Variants in UNC13A observed in about 807,000 individuals in gnomAD.
The protein encoded by UNC13A is unc-13 homolog A, also known as protein unc-13 homolog A.
UNC13A carries 61 observed loss-of-function variants against 219.7 expected under a neutral mutation model. The ratio of observed to expected loss-of-function variants is 0.28; its 90% CI spans 0.23 to 0.34. The LOEUF is 0.34. UNC13A is among the 10% of genes least tolerant of loss of function. The probability of loss-of-function intolerance (pLI) is 1.00; values close to 1 mark genes in which losing one functional copy is unlikely to be tolerated. For synonymous variants in UNC13A, 920 were observed against 884.6 expected, an observed-to-expected ratio of 1.04 and a Z score of -0.71; for missense variants, 1,476 against 2,270.3, an observed-to-expected ratio of 0.65 and a Z score of 7.11.
Position 17,656,388 on chromosome 19 carries a change from T to C in UNC13A, c.778A>G (p.Ser260Gly). The C allele has an allele frequency of 2.0e-6, 3 of 1,532,372 alleles. No individual in the cohort carries two copies. The highest frequency in any genetic ancestry group is 1.4e-5 in the African/African-American group (1 of 73,296). 94.9% of individuals were successfully genotyped at this position (1,532,372 alleles called of 1,614,324 possible). Residue 260 changes from serine (S) to glycine (G), a missense_variant, in exon 10 of 44, where the codon AGC (serine) becomes GGC (glycine). Coordinates refer to ENST00000519716, the MANE Select transcript of UNC13A (RefSeq NM_001080421.3). ...SEPQALSPTG[S>G]SRYASSGELS... ...TCCCCGGAAGAGGCATAGCGGCTGC[T>C]ACCCGTGGGGCTGTGGGGATGGAAC... is the stretch of plus-strand genomic sequence containing the variant.
intron 1 of UNC13A, among the ~76,000 whole-genome samples, chr19:17,683,948 C>T (rs2080065284): frequency 6.6e-6 from 1 of 151,094 alleles, no homozygotes. Context: ...AGAAAAAAGT[C>T]AGCCGGGTGT....
intron 43 of UNC13A, among the ~76,000 whole-genome samples, chr19:17,607,568 G>A (rs11882328): frequency 0.015 from 2,175 of 146,248 alleles, 46 homozygotes; most frequent in African/African-American, 0.053. Context: ...GTCAGCCACC[G>A]CGCCTGGCCC....
At chr19:17,648,084 C>A (rs2079273802) in intron 16 of UNC13A, among the ~76,000 whole-genome samples, 1 of 147,136 alleles carries the variant, frequency 6.8e-6, no homozygotes, top group Non-Finnish European at 1.5e-5. Context: ...CTCTTCCTCT[C>A]AGAGCTACCC....
At chr19:17,639,245 G>C (rs750847144) in intron 24 of UNC13A, 28 bp from the exon 25 acceptor site, 3 of 1,612,908 alleles carry the variant, frequency 1.9e-6, no homozygotes. Context: ...GGCATAGGCG[G>C]CCACAGCTGT....
rs148883310 is a variant in UNC13A at position 17,624,822 on chromosome 19, G to C, written c.4197+7C>G. ...AAATGTCCCCTCGGGCCCCCTGCAG[G>C]TCTCACCGTCTGGTCAGTGAGGGGC... On this transcript the variant is annotated splice_region_variant and intron_variant, in intron 35 of 43. Transcript: ENST00000519716. The C allele has an allele frequency of 1.9e-6, 3 of 1,611,988 alleles. No homozygotes were observed. The Admixed American group carries it at 5.0e-5, about 27-fold the overall frequency.
intron 1 of UNC13A, among the ~76,000 whole-genome samples, chr19:17,683,640 A>AGGCTTT (rs1451163731): frequency 8.6e-5 from 13 of 151,678 alleles, no homozygotes; most frequent in African/African-American, 3.2e-4. Flanking sequence ...TCCGGGTGAC[A>AGGCTTT]GAGTGAGACC....
intron 9 of UNC13A, among the ~76,000 whole-genome samples, chr19:17,656,745 G>A (rs1192087499): frequency 2.6e-5 from 4 of 151,634 alleles, no homozygotes; most frequent in Non-Finnish European, 4.4e-5. Flanking sequence ...CCAGCTACTC[G>A]GGAGGCTGAG....
At chr19:17,660,532 T>TG (rs2079533158) in intron 8 of UNC13A, among the ~76,000 whole-genome samples, 2 of 107,756 alleles carry the variant, frequency 1.9e-5, no homozygotes, top group South Asian at 3.0e-4. Flanking sequence ...TGTTGGTTTT[T>TG]GGGTTTTTTT....
intron 36 of UNC13A, chr19:17,622,541 T>C (rs937150336): frequency 7.2e-5 from 11 of 153,078 alleles, no homozygotes; most frequent in African/African-American, 2.7e-4. Flanking sequence ...TACCAGGAAG[T>C]AAGAGCCCTT....
Position 17,656,038 on chromosome 19 carries a change from G to T in UNC13A, c.1128C>A (p.Ser376Arg). Reference sequence around the variant, plus strand: ...CCTTCCCTGGGGCAGCTGGCGGGAGGCTGATGCGTTTGAAGTCTTTGGGCT... The same window carrying T: ...CCTTCCCTGGGGCAGCTGGCGGGAGTCTGATGCGTTTGAAGTCTTTGGGCT... ...VAEPKDFKRI[S>R]LPPAAPGKED... The change falls in exon 10 of 44, where the codon AGC (serine) becomes AGA (arginine). Residue 376 changes from serine (S) to arginine (R), a missense_variant. By Grantham distance (110) the Ser-to-Arg change is moderately radical. Coordinates refer to ENST00000519716, the MANE Select transcript of UNC13A (RefSeq NM_001080421.3). The T allele has an allele frequency of 6.4e-7, 1 of 1,564,076 alleles. No homozygotes were observed.
intron 4 of UNC13A, among the ~76,000 whole-genome samples, chr19:17,670,253 AT>A (rs1337640855): frequency 9.2e-6 from 1 of 109,012 alleles, no homozygotes; most frequent in Non-Finnish European, 1.9e-5. Flanking sequence ...GCCTAATTTA[AT>A]TTTTTTGAGA....
chr19:17,685,641 T>A (rs2080094014), intron 1 of UNC13A, among the ~76,000 whole-genome samples: 1 of 152,208 alleles, frequency 6.6e-6, no homozygotes, highest in Non-Finnish European at 1.5e-5. Context: ...GTGTCCTATA[T>A]ACACGTGTAT....
intron 31 of UNC13A, among the ~76,000 whole-genome samples, chr19:17,628,783 C>T (rs142770933): frequency 6.6e-5 from 10 of 152,036 alleles, no homozygotes; most frequent in South Asian, 2.1e-4. Flanking sequence ...CACAGCCAGA[C>T]GAAACACAAT....
chr19:17,684,659 C>T (rs2080076933), intron 1 of UNC13A, among the ~76,000 whole-genome samples: 1 of 152,214 alleles, frequency 6.6e-6, no homozygotes, highest in African/African-American at 2.4e-5. Context: ...TGTGTTGGTG[C>T]TGGGTGTATA....
intron 17 of UNC13A, among the ~76,000 whole-genome samples, chr19:17,646,437 G>A (rs1032430635): frequency 6.6e-6 from 1 of 151,988 alleles, no homozygotes; most frequent in Non-Finnish European, 1.5e-5. Context: ...TGCATTTTTA[G>A]TAGAGATGGG....
chr19:17,633,175 A>G lies in UNC13A; in HGVS notation c.3234T>C (p.Asn1078=), dbSNP rs745564240. The part of the protein sequence containing the change: ...PCLNQFPQEL[N]VGKISAEVMW... ...TCACTTCAGCGCTGATTTTACCCAC[A>G]TTCAGCTCCTGGGGAAACCTGGCAA... Residue 1078 remains asparagine (N), a synonymous_variant, in exon 27 of 44, where the codon AAT becomes AAC. Coordinates refer to ENST00000519716, the MANE Select transcript of UNC13A (RefSeq NM_001080421.3). 8.4e-5 allele frequency: 135 copies of G among 1,614,088 alleles called. No individual in the cohort carries two copies. The highest frequency in any genetic ancestry group is 1.1e-4 in the Non-Finnish European group (130 of 1,179,972).
intron 36 of UNC13A, among the ~76,000 whole-genome samples, 180 bp from the exon 37 acceptor site, chr19:17,622,050 C>T (rs536129638): frequency 1.4e-4 from 22 of 152,116 alleles, no homozygotes; most frequent in Admixed American, 3.3e-4. Context: ...CACGTGCATG[C>T]GCTTTAGTGA....
intron 16 of UNC13A, 68 bp downstream of exon 16, chr19:17,648,363 T>C: frequency 7.1e-7 from 1 of 1,399,060 alleles, no homozygotes; most frequent in Non-Finnish European, 9.3e-7. Context: ...CTTCAGCCTT[T>C]CCCCGCCATG....
In UNC13A at chr19:17,617,709, C is replaced by G. The variant is rs2076682591; in HGVS notation, c.4551G>C (p.Ser1517=). ...LLIKTFVQTQ[S]AQGLGVEDPV... is the part of the protein sequence containing the mutation. The stretch of plus-strand genomic sequence containing the variant: ...CGGTCTGGGTACCCTTACCCTGGGC[C>G]GATTGCGTCTGTACAAAGGTCTTGA... The change falls in exon 41 of 44, where the codon TCG becomes TCC. Residue 1517 remains serine, a synonymous_variant. Coordinates refer to ENST00000519716, the MANE Select transcript of UNC13A (RefSeq NM_001080421.3). 2 of 1,613,592 alleles carry G rather than the reference C, an allele frequency of 1.2e-6. No individual in the cohort carries two copies. Among genetic ancestry groups the G allele is most frequent in the South Asian group, 2.2e-5 (2 of 91,088 alleles).
Sources: allele counts gnomAD v4.1 joint callset (sites outside exome capture counted in the v4.1 genomes callset), GRCh38; gene constraint gnomAD v4.1.1; transcripts MANE v1.5; gene names NCBI Gene and HGNC (gene_info 2026-07-23, HGNC 2026-07-21).